NOM1: variants seen among roughly 807,000 people sequenced by gnomAD.
NOM1 encodes the protein nucleolar MIF4G domain-containing protein 1.
A neutral mutation model predicts 73.3 loss-of-function variants in NOM1; 58 were observed. The observed-to-expected ratio is 0.79, with a 90% CI of 0.64 to 0.99. NOM1 has a LOEUF of 0.99. Ranked by LOEUF, NOM1 falls within the 50% of genes least tolerant of loss-of-function variation. The probability of loss-of-function intolerance (pLI) is 0.00; values close to 1 mark genes in which losing one functional copy is unlikely to be tolerated. For synonymous variants in NOM1, 487 were observed against 446.8 expected (o/e 1.09, Z -1.14); for missense variants, 1,226 against 1,131.9 (o/e 1.08, Z -1.19).
At chr7:156,966,484 G>T in intron 8 of NOM1, 82 bp downstream of exon 8, 2 of 1,536,792 alleles carry the variant, frequency 1.3e-6, no homozygotes, top group South Asian at 1.2e-5. Context: ...ACCTGCAAAG[G>T]AGTTCCCCAA....
At chr7:156,967,547 C>G (rs570972879) in intron 9 of NOM1, among the ~76,000 whole-genome samples, 90 of 152,194 alleles carry the variant, frequency 5.9e-4, no homozygotes, top group African/African-American at 2.2e-3. Flanking sequence ...TTTCTTCCCC[C>G]CCCAAGATGG....
chr7:156,966,635 A>G (rs186528379), intron 8 of NOM1, among the ~76,000 whole-genome samples: 38 of 152,310 alleles, frequency 2.5e-4, no homozygotes, highest in African/African-American at 9.1e-4. Context: ...CCACAGATGC[A>G]GGCAGTGTGG....
chr7:156,954,219 C>T lies in NOM1; in HGVS notation c.1229C>T (p.Thr410Ile), dbSNP rs1487699003. The T allele has an allele frequency of 6.2e-7, 1 of 1,613,736 alleles. No homozygotes were observed. The highest frequency in any genetic ancestry group is 2.2e-5 in the East Asian group (1 of 44,884). ...TCCGCTCTCATGGGTGCCTGCGTCA[C>T]TGCCTCGGCCATGCCCAGCAGACTG... ...LTSALMGACV[T>I]ASAMPSRLMM... Residue 410 changes from threonine to isoleucine, a missense_variant, in exon 3 of 11, where the codon ACT becomes ATT. Physicochemically the swap from Thr to Ile is moderately conservative, Grantham distance 89. Transcript: ENST00000275820.
chr7:156,957,489 C>T (rs1358666955), intron 3 of NOM1, among the ~76,000 whole-genome samples: 1 of 152,130 alleles, frequency 6.6e-6, no homozygotes, highest in African/African-American at 2.4e-5. Context: ...TAATTGAAAA[C>T]ATACAGCCGG....
intron 2 of NOM1, among the ~76,000 whole-genome samples, chr7:156,953,179 A>G (rs1244611408): frequency 1.3e-5 from 2 of 152,110 alleles, no homozygotes; most frequent in African/African-American, 2.4e-5. Flanking sequence ...GCTGGAGTGC[A>G]ATGGCGCTAT....
rs1278608834 is a variant in NOM1 at position 156,959,862 on chromosome 7, C to T, written c.1320C>T (p.His440=). The T allele has an allele frequency of 1.9e-6, 3 of 1,614,120 alleles. No individual in the cohort carries two copies. In the South Asian group the frequency reaches 3.3e-5, roughly 18 times the overall value. Residue 440 remains histidine (H), a synonymous_variant, in exon 4 of 11, where the codon CAC becomes CAT. Transcript: ENST00000275820. ...TGTGGTTCTTTCAGGTCGGTGCCCACTTTCTGGAGGCAGTGGTGAGGAAGT... is the reference window on the plus strand; with the variant it reads ...TGTGGTTCTTTCAGGTCGGTGCCCATTTTCTGGAGGCAGTGGTGAGGAAGT... ...HHTVGIEVGA[H]FLEAVVRKFD...
At chr7:156,952,350 C>A in intron 1 of NOM1, 124 bp from the exon 2 acceptor site, 1 of 973,608 alleles carries the variant, frequency 1.0e-6, no homozygotes, top group Non-Finnish European at 1.5e-6. Context: ...ATTTAAGCAG[C>A]AATGATCAGT....
In NOM1 at chr7:156,962,217, G is replaced by C. The variant is rs758747333; in HGVS notation, c.1699G>C (p.Asp567His). The change falls in exon 5 of 11, where the codon GAC (aspartate) becomes CAC (histidine). Residue 567 changes from aspartate (D) to histidine (H), a missense_variant. Physicochemically the swap from Asp to His is moderately conservative, Grantham distance 81 (BLOSUM62 -1). Transcript: ENST00000275820. The part of the protein sequence containing the change: ...NNDMRKIPGY[D>H]PEPVEKLRKL... Reference sequence around the variant, plus strand: ...TGACATGCGCAAAATTCCAGGCTATGACCCCGAGCCCGTGGAGAAGCTGAG... The same window carrying C: ...TGACATGCGCAAAATTCCAGGCTATCACCCCGAGCCCGTGGAGAAGCTGAG... 6.2e-7 allele frequency: 1 copy of C among 1,614,168 alleles called. No individual in the cohort carries two copies. The highest frequency in any genetic ancestry group is 2.2e-5 in the East Asian group (1 of 44,880).
intron 2 of NOM1, among the ~76,000 whole-genome samples, chr7:156,953,474 A>G (rs1804644120): frequency 6.6e-6 from 1 of 152,152 alleles, no homozygotes; most frequent in Admixed American, 6.5e-5. Flanking sequence ...CACCGCTGCA[A>G]TTGAGATAAA....
At chr7:156,957,795 A>AAAAAAAG (rs1804764543) in intron 3 of NOM1, among the ~76,000 whole-genome samples, 1 of 147,772 alleles carries the variant, frequency 6.8e-6, no homozygotes, top group African/African-American at 2.5e-5. Flanking sequence ...AAAAAAAAAA[A>AAAAAAAG]AAAAAGAAAA....
At chr7:156,952,635 G>A (rs1300069197) in intron 2 of NOM1, 37 bp downstream of exon 2, 6 of 1,590,862 alleles carry the variant, frequency 3.8e-6, no homozygotes, top group Non-Finnish European at 5.1e-6. Flanking sequence ...GTCACTTAGA[G>A]AGGTTGTCTG....
intron 3 of NOM1, among the ~76,000 whole-genome samples, chr7:156,958,228 A>G (rs1342060466): frequency 6.6e-6 from 1 of 152,168 alleles, no homozygotes; most frequent in Non-Finnish European, 1.5e-5. Flanking sequence ...CCCCTGTTGA[A>G]GCTTAATAAC....
intron 3 of NOM1, among the ~76,000 whole-genome samples, chr7:156,959,396 C>A (rs1004206965): frequency 1.6e-5 from 2 of 124,812 alleles, no homozygotes; most frequent in Non-Finnish European, 3.6e-5. Flanking sequence ...CACCACCACA[C>A]CTGGCTAATT....
intron 3 of NOM1, among the ~76,000 whole-genome samples, chr7:156,956,152 CACTGCACTCCAGCCTGGGTG>C (rs1804720889): frequency 2.0e-5 from 3 of 150,690 alleles, no homozygotes; most frequent in Non-Finnish European, 4.4e-5. Flanking sequence ...GAGATCGCGT[CACTGCACTCCAGCCTGGGTG>C]ACAGAGCGAG....
intron 9 of NOM1, among the ~76,000 whole-genome samples, chr7:156,967,615 C>T (rs1805031468): frequency 6.6e-6 from 1 of 152,174 alleles, no homozygotes; most frequent in South Asian, 2.1e-4. Context: ...ACCTCTGCCT[C>T]CGGGATTCAA....
Position 156,967,057 on chromosome 7 carries a change from T to C in NOM1, c.2263T>C (p.Leu755=). The C allele has an allele frequency of 1.2e-6, 2 of 1,613,326 alleles. No individual in the cohort carries two copies. The highest frequency in any genetic ancestry group is 8.5e-7 in the Non-Finnish European group (1 of 1,179,854). Residue 755 remains leucine (L), a synonymous_variant, in exon 9 of 11, where the codon TTG becomes CTG. Coordinates refer to ENST00000275820, the MANE Select transcript of NOM1 (RefSeq NM_138400.2). ...SNLVHLVAHL[L]KTKSLSLSIL... ...TTTGGTTCATCTGGTGGCCCACTTG[T>C]TGAAGACAAAATCGCTTTCCCTTTC...
intron 4 of NOM1, 103 bp downstream of exon 4, chr7:156,960,277 A>C: frequency 3.2e-6 from 3 of 950,358 alleles, no homozygotes; most frequent in Non-Finnish European, 4.8e-6. Flanking sequence ...TTGCTTTCCT[A>C]GTGATTTCTG....
intron 4 of NOM1, among the ~76,000 whole-genome samples, chr7:156,961,620 A>G (rs1289365093): frequency 1.3e-5 from 2 of 152,182 alleles, no homozygotes; most frequent in South Asian, 2.1e-4. Context: ...TATACCTTAC[A>G]TGAGTGAGTT....
chr7:156,965,439 A>G (rs1804970041), intron 7 of NOM1, among the ~76,000 whole-genome samples: 1 of 152,214 alleles, frequency 6.6e-6, no homozygotes, highest in Non-Finnish European at 1.5e-5. Context: ...AGTCAAAACT[A>G]GAGGGACAGA....
Sources: gnomAD v4.1 joint callset for allele counts (sites outside exome capture counted in the v4.1 genomes callset) on GRCh38, gnomAD v4.1.1 for gene constraint, MANE v1.5 for transcripts, NCBI Gene and HGNC (gene_info 2026-07-23, HGNC 2026-07-21) for gene names.